Variants in RALGAPA2 observed in about 807,000 individuals in gnomAD.
The protein encoded by RALGAPA2 is ral GTPase-activating protein subunit alpha-2.
A neutral mutation model predicts 230.4 loss-of-function variants in RALGAPA2; 139 were observed. That is an observed-to-expected ratio of 0.60 (90% CI 0.53 to 0.69). The LOEUF is 0.69. Ranked by LOEUF, RALGAPA2 falls within the 30% of genes least tolerant of loss-of-function variation. The pLI is 0.00. For synonymous variants in RALGAPA2, 847 were observed against 837.8 expected (o/e 1.01, Z -0.19); for missense variants, 2,163 against 2,276.0 (o/e 0.95, Z 1.01).
At chr20:20,457,233 T>C (rs1569416160) in intron 37 of RALGAPA2, among the ~76,000 whole-genome samples, 1 of 152,204 alleles carries the variant, frequency 6.6e-6, no homozygotes, top group Non-Finnish European at 1.5e-5. Flanking sequence ...CCTCATTTAC[T>C]TTCAGCACAG....
chr20:20,655,090 TAACTCTCA>T (rs2067541686), intron 3 of RALGAPA2, among the ~76,000 whole-genome samples: 1 of 152,144 alleles, frequency 6.6e-6, no homozygotes. Flanking sequence ...TTCAAGCCCA[TAACTCTCA>T]AAGGTATCTC....
intron 37 of RALGAPA2, among the ~76,000 whole-genome samples, chr20:20,443,701 A>G: frequency 6.6e-6 from 1 of 152,364 alleles, no homozygotes; most frequent in East Asian, 1.9e-4. Context: ...AAAGTGCTTG[A>G]GGAAGTCATG....
intron 4 of RALGAPA2, among the ~76,000 whole-genome samples, chr20:20,652,586 C>A (rs2067439033): frequency 6.6e-6 from 1 of 152,176 alleles, no homozygotes; most frequent in South Asian, 2.1e-4. Flanking sequence ...GAGTTAGATT[C>A]CATCATAAGG....
intron 4 of RALGAPA2, among the ~76,000 whole-genome samples, chr20:20,645,684 G>T (rs1244835378): frequency 6.6e-6 from 1 of 152,196 alleles, no homozygotes; most frequent in East Asian, 1.9e-4. Flanking sequence ...CAGCTTAGCA[G>T]TTATAAGTCA....
intron 18 of RALGAPA2, among the ~76,000 whole-genome samples, chr20:20,585,779 CA>C (rs1384380408): frequency 6.6e-6 from 1 of 151,840 alleles, no homozygotes; most frequent in African/African-American, 2.4e-5. Flanking sequence ...TGAAGAAGGA[CA>C]AAAATAAGAA....
chr20:20,560,184 G>A (rs893194510), intron 23 of RALGAPA2, among the ~76,000 whole-genome samples: 46 of 152,082 alleles, frequency 3.0e-4, no homozygotes, highest in African/African-American at 1.1e-3. Flanking sequence ...ACCAAGGAAG[G>A]GAAGCAAATA....
At chr20:20,564,935 A>T (rs191715497) in intron 23 of RALGAPA2, among the ~76,000 whole-genome samples, 2 of 152,320 alleles carry the variant, frequency 1.3e-5, no homozygotes, top group East Asian at 3.9e-4. Flanking sequence ...AGTTTTTTTT[A>T]AACTGTTTTT....
At chr20:20,491,445 T>C (rs770227670) in intron 36 of RALGAPA2, among the ~76,000 whole-genome samples, 5 of 152,190 alleles carry the variant, frequency 3.3e-5, no homozygotes, top group Non-Finnish European at 5.9e-5. Flanking sequence ...CAGTCACTAC[T>C]ATGCCTGGAA....
intron 10 of RALGAPA2, 93 bp from the exon 11 acceptor site, chr20:20,620,723 T>C: frequency 1.8e-6 from 2 of 1,103,624 alleles, no homozygotes; most frequent in South Asian, 2.0e-5. Flanking sequence ...CATCACCCAT[T>C]TCACTTTCCT....
intron 35 of RALGAPA2, among the ~76,000 whole-genome samples, chr20:20,499,826 T>C (rs1337035319): frequency 5.3e-5 from 8 of 152,204 alleles, no homozygotes; most frequent in Admixed American, 5.2e-4. Flanking sequence ...TTCTGATGTT[T>C]CACATGCACT....
rs1231853474 is a variant in RALGAPA2, at chr20:20,389,821, A to G, written c.*3468T>C. ...CACCTAGGAAGGAACCTAGATGTGGAGCATTAGGAAAATTAAATAACAAGA... is the reference window on the plus strand; with the variant it reads ...CACCTAGGAAGGAACCTAGATGTGGGGCATTAGGAAAATTAAATAACAAGA... On this transcript the variant is annotated 3_prime_UTR_variant, in exon 40 of 40. Transcript: ENST00000202677. 1 of 152,128 alleles carries G rather than the reference A, an allele frequency of 6.6e-6. No individual in the cohort carries two copies. Among genetic ancestry groups the G allele is most frequent in the Non-Finnish European group, 1.5e-5 (1 of 68,012 alleles). 9.4% of individuals were successfully genotyped at this position (152,128 alleles called of 1,614,324 possible). A position where few individuals can be genotyped will look rare whatever the true frequency, so the allele number is the denominator to read the frequency against.
At chr20:20,681,766 T>C (rs1179753716) in intron 1 of RALGAPA2, among the ~76,000 whole-genome samples, 1 of 152,080 alleles carries the variant, frequency 6.6e-6, no homozygotes, top group African/African-American at 2.4e-5. Context: ...TGAGGCAGGG[T>C]AATCGCCCGA....
rs2061409338 is a variant in RALGAPA2, at chr20:20,465,798, G to T, written c.5495+7031C>A. ...GGAACCAGCCTTTCACACAGAAGAGGACCTTCTGCAAGGCACTGAATGAAC... is the reference window on the plus strand; with the variant it reads ...GGAACCAGCCTTTCACACAGAAGAGTACCTTCTGCAAGGCACTGAATGAAC... On this transcript the variant is annotated intron_variant, in intron 37 of 39. Transcript: ENST00000202677. 3.9e-5 allele frequency among the ~76,000 whole-genome samples: 6 copies of T among 152,140 alleles called. No individual in the cohort carries two copies. The South Asian group carries it at 1.2e-3, about 32-fold the overall frequency.
chr20:20,519,898 G>A (rs542262954), intron 31 of RALGAPA2, among the ~76,000 whole-genome samples: 1 of 151,458 alleles, frequency 6.6e-6, no homozygotes, highest in East Asian at 1.9e-4. Context: ...TTAAGATAGA[G>A]TCTCACTCTG....
chr20:20,463,673 G>C (rs1306163135), intron 37 of RALGAPA2, among the ~76,000 whole-genome samples: 1 of 152,286 alleles, frequency 6.6e-6, no homozygotes, highest in East Asian at 1.9e-4. Context: ...CTGCTGAAAA[G>C]TGTGGAAGAA....
At chr20:20,578,797 A>G (rs1328531553) in intron 20 of RALGAPA2, among the ~76,000 whole-genome samples, 2 of 152,218 alleles carry the variant, frequency 1.3e-5, no homozygotes, top group Non-Finnish European at 2.9e-5. Context: ...CTGGATGTCA[A>G]TGATCAAGTG....
At chr20:20,671,665 G>C (rs2068138879) in intron 3 of RALGAPA2, among the ~76,000 whole-genome samples, 1 of 152,130 alleles carries the variant, frequency 6.6e-6, no homozygotes. Context: ...ATGAAGCCTT[G>C]AACAATATAT....
chr20:20,429,758 C>T (rs930255839), intron 37 of RALGAPA2, among the ~76,000 whole-genome samples: 5 of 152,310 alleles, frequency 3.3e-5, no homozygotes, highest in Non-Finnish European at 5.9e-5. Flanking sequence ...GAGCGTCTCA[C>T]GGTAAAGGCC....
chr20:20,707,500 C>G (rs2069652478), intron 1 of RALGAPA2, among the ~76,000 whole-genome samples: 2 of 152,028 alleles, frequency 1.3e-5, no homozygotes. Context: ...AATGTTTGTA[C>G]TTAAAAATGA....
Sources: gnomAD v4.1 joint callset for allele counts (sites outside exome capture counted in the v4.1 genomes callset) on GRCh38, gnomAD v4.1.1 for gene constraint, MANE v1.5 for transcripts, NCBI Gene and HGNC (gene_info 2026-07-23, HGNC 2026-07-21) for gene names.